The following PLOD1 variants were observed in gnomAD, a reference collection of about 807,000 sequenced individuals.
PLOD1 encodes lysine hydroxylase.
A neutral mutation model predicts 94.7 loss-of-function variants in PLOD1; 70 were observed. The observed-to-expected ratio is 0.74, with a 90% confidence interval of 0.61 to 0.90. The LOEUF (loss-of-function observed/expected upper bound fraction) is 0.90. Ranked by LOEUF, PLOD1 falls within the 40% of genes least tolerant of loss-of-function variation. The pLI is 0.00. For missense variants in PLOD1, 905 were observed against 972.7 expected (o/e 0.93, Z 0.93); for synonymous variants, 417 against 400.2 (o/e 1.04, Z -0.50).
chr1:11,965,443 G>T (rs372583550), intron 13 of PLOD1, 37 bp from the exon 14 acceptor site: 1 of 1,227,904 alleles, frequency 8.1e-7, no homozygotes. Flanking sequence ...GGGGAGGGGT[G>T]GGGGAGCGCC....
intron 10 of PLOD1, among the ~76,000 whole-genome samples, chr1:11,962,836 T>A (rs997198251): frequency 6.6e-6 from 1 of 151,542 alleles, no homozygotes; most frequent in African/African-American, 2.4e-5. Flanking sequence ...AAGTCAGGAG[T>A]TCGAGACCAG....
At chr1:11,941,125 G>A (rs997786918) in intron 1 of PLOD1, among the ~76,000 whole-genome samples, 2 of 152,184 alleles carry the variant, frequency 1.3e-5, no homozygotes, top group African/African-American at 4.8e-5. Context: ...CACCTTCCTC[G>A]TAGAGTGTTG....
At position 11,938,881 on chromosome 1, in the gene PLOD1, G is replaced by A. The variant is rs184491133; in HGVS notation, c.76+4026G>A. Among the ~76,000 whole-genome samples, 963 of 152,266 alleles carry A rather than the reference G, an allele frequency of 6.3e-3. 3 individuals are homozygous for A. The highest frequency in any genetic ancestry group is 0.011 in the Non-Finnish European group (752 of 68,006). On this transcript the variant is annotated intron_variant, in intron 1 of 18. Coordinates refer to ENST00000196061, the MANE Select transcript of PLOD1 (RefSeq NM_000302.4). ...CCACGTCTGAGGGAAGAGATGTTGC[G>A]CCATCCTGGGGGGGCTTCCAGAACA...
chr1:11,944,447 ACACACACT>A (rs1279272786), intron 1 of PLOD1: 17 of 955,170 alleles, frequency 1.8e-5, no homozygotes, highest in Middle Eastern at 2.9e-4. Context: ...ACACACACAC[ACACACACT>A]CACTCACATG....
chr1:11,966,904 G>A, intron 15 of PLOD1, 83 bp from the exon 16 acceptor site: 1 of 879,804 alleles, frequency 1.1e-6, no homozygotes, highest in Non-Finnish European at 2.0e-6. Flanking sequence ...GGGCTCCCTG[G>A]CTTGGGTGTG....
rs768117561 is a variant in PLOD1, at chr1:11,973,010, C to A, written c.2028+13C>A. On this transcript the variant is annotated intron_variant, in intron 18 of 18. Coordinates refer to ENST00000196061, the MANE Select transcript of PLOD1 (RefSeq NM_000302.4). ...GGTGGATTACGAGGTGAGCAGGAGC[C>A]AGCCGGGGTCAAGGGGCCGGCAATG... is the stretch of plus-strand genomic sequence containing the variant. The A allele has an allele frequency of 2.5e-6, 4 of 1,613,698 alleles. No homozygotes were observed. Among genetic ancestry groups the A allele is most frequent in the South Asian group, 1.1e-5 (1 of 91,082 alleles).
chr1:11,951,640 T>G (rs906277370), intron 4 of PLOD1, among the ~76,000 whole-genome samples: 20 of 146,094 alleles, frequency 1.4e-4, no homozygotes, highest in African/African-American at 4.5e-4. Context: ...ATATATAATA[T>G]ATATATTGGT....
chr1:11,970,941 G>T (rs1184558885), intron 17 of PLOD1, 125 bp downstream of exon 17: 3 of 621,452 alleles, frequency 4.8e-6, no homozygotes, highest in East Asian at 3.8e-5. Flanking sequence ...TGGAGTGAGG[G>T]TGTGGGGAGC....
intron 1 of PLOD1, among the ~76,000 whole-genome samples, chr1:11,937,849 T>A (rs1323593079): frequency 6.6e-6 from 1 of 151,558 alleles, no homozygotes. Context: ...TCCCCAGGCC[T>A]GGGGCTAATG....
Position 11,970,801 on chromosome 1 carries a change from C to G in PLOD1, c.1887C>G (p.Pro629=). 6.2e-7 allele frequency: 1 copy of G among 1,604,080 alleles called. No individual in the cohort carries two copies. Residue 629 remains proline, a synonymous_variant, in exon 17 of 19, where the codon CCC becomes CCG. Coordinates refer to ENST00000196061, the MANE Select transcript of PLOD1 (RefSeq NM_000302.4). ...YIAPMTEKLY[P]GYYTRAQFDL... Reference sequence around the variant, plus strand: ...CGCCCATGACGGAGAAGCTCTACCCCGGCTACTACACCAGGGTGGGCAAGC... The same window carrying G: ...CGCCCATGACGGAGAAGCTCTACCCGGGCTACTACACCAGGGTGGGCAAGC...
intron 12 of PLOD1, 34 bp downstream of exon 12, chr1:11,964,334 C>T: frequency 6.3e-7 from 1 of 1,577,978 alleles, no homozygotes; most frequent in South Asian, 1.1e-5. Flanking sequence ...GGGTGGGGGA[C>T]ACCTTCATCT....
intron 16 of PLOD1, among the ~76,000 whole-genome samples, chr1:11,968,029 C>T (rs1425012424): frequency 1.3e-5 from 2 of 151,556 alleles, no homozygotes; most frequent in East Asian, 3.9e-4. Context: ...TCTCAGCTCA[C>T]TGCAACCTTC....
At chr1:11,939,908 TTCTTC>T (rs1431185993) in intron 1 of PLOD1, among the ~76,000 whole-genome samples, 1 of 151,952 alleles carries the variant, frequency 6.6e-6, no homozygotes, top group African/African-American at 2.4e-5. Context: ...GCACACATCA[TTCTTC>T]TCTTAAAAGT....
In PLOD1 at chr1:11,963,570, T is replaced by A; in HGVS notation, c.1136T>A (p.Phe379Tyr). 2 of 1,604,882 alleles carry A rather than the reference T, an allele frequency of 1.2e-6. No homozygotes were observed. Among genetic ancestry groups the A allele is most frequent in the Non-Finnish European group, 8.5e-7 (1 of 1,176,488 alleles). The change falls in exon 11 of 19, where the codon TTC becomes TAC. Residue 379 changes from phenylalanine (F) to tyrosine (Y), a missense_variant. Coordinates refer to ENST00000196061, the MANE Select transcript of PLOD1 (RefSeq NM_000302.4). This position sits in a 1 kb window ranked among gnomAD's most constrained non-coding sequence, Gnocchi z 4.3. ...CAGGACCGCAGCTGCACCTACTACTTCAGCGTGGATGCTGACGTGGCCCTG... is the reference window on the plus strand; with the variant it reads ...CAGGACCGCAGCTGCACCTACTACTACAGCGTGGATGCTGACGTGGCCCTG... ...CRQDRSCTYY[F>Y]SVDADVALTE...
intron 2 of PLOD1, among the ~76,000 whole-genome samples, chr1:11,949,372 TA>T (rs1645680727): frequency 6.6e-6 from 1 of 152,044 alleles, no homozygotes. Context: ...ATGGTTTCCT[TA>T]CAGGGGAGGG....
intron 1 of PLOD1, among the ~76,000 whole-genome samples, chr1:11,938,174 A>AAC (rs150358011): frequency 1.3e-5 from 2 of 151,058 alleles, no homozygotes; most frequent in African/African-American, 2.4e-5. Context: ...GCTGGTCTCA[A>AAC]TCCTGACCTC....
chr1:11,939,192 T>G (rs1645599135), intron 1 of PLOD1, among the ~76,000 whole-genome samples: 2 of 151,572 alleles, frequency 1.3e-5, no homozygotes, highest in South Asian at 2.1e-4. Flanking sequence ...GTCCCAGGAG[T>G]CAGTCAGGCT....
chr1:11,962,138 C>T (rs1645782239), intron 10 of PLOD1, among the ~76,000 whole-genome samples: 1 of 151,902 alleles, frequency 6.6e-6, no homozygotes, highest in African/African-American at 2.4e-5. Context: ...CTATGTTGCC[C>T]AGGCTGGTCT....
chr1:11,958,452 G>C lies in PLOD1; in HGVS notation c.844-64G>C. On this transcript the variant is annotated intron_variant, in intron 8 of 18. Transcript: ENST00000196061. The surrounding 1 kb of genome is among the most constrained non-coding windows in gnomAD (Gnocchi z 4.3). ...GGCTCTGACTCCCTTGGGCCACCCTGGGGTGGAGTGGCAGTGCTGTGACTG... is the reference window on the plus strand; with the variant it reads ...GGCTCTGACTCCCTTGGGCCACCCTCGGGTGGAGTGGCAGTGCTGTGACTG... 2.5e-6 allele frequency: 4 copies of C among 1,581,070 alleles called. No homozygotes were observed. The highest frequency in any genetic ancestry group is 3.5e-6 in the Non-Finnish European group (4 of 1,156,216).
Sources: allele counts gnomAD v4.1 joint callset (sites outside exome capture counted in the v4.1 genomes callset), GRCh38; gene constraint gnomAD v4.1.1; non-coding constraint Gnocchi (gnomAD v3.1); transcripts MANE v1.5; gene names NCBI Gene and HGNC (gene_info 2026-07-23, HGNC 2026-07-21).